Variants in SLC16A1 observed in about 807,000 individuals in gnomAD.
SLC16A1 encodes solute carrier family 16 member 1.
Under a neutral mutation model 32.2 loss-of-function variants are expected in SLC16A1, and 11 were observed. That is an observed-to-expected ratio of 0.34 (90% CI 0.21 to 0.56). The LOEUF (loss-of-function observed/expected upper bound fraction) is 0.56, where lower values mean the gene tolerates loss of function less well. Ranked by LOEUF, SLC16A1 falls within the 20% of genes least tolerant of loss-of-function variation. The pLI, the probability that SLC16A1 is intolerant of heterozygous loss-of-function variation, is 0.87. For missense variants in SLC16A1, 435 were observed against 615.0 expected (o/e 0.71, Z 3.10); for synonymous variants, 231 against 226.8 (o/e 1.02, Z -0.17).
chr1:112,923,743 A>G (rs1648826096), intron 2 of SLC16A1: 1 of 1,528,636 alleles, frequency 6.5e-7, no homozygotes, highest in Non-Finnish European at 9.1e-7. Context: ...CACCAGCTGC[A>G]CCAGGAGGGC....
chr1:112,923,310 A>G, intron 2 of SLC16A1: 1 of 413,828 alleles, frequency 2.4e-6, no homozygotes, highest in Non-Finnish European at 4.6e-6. Context: ...CTCCGTCTCA[A>G]AAACAAACAA....
At position 112,912,110 on chromosome 1, in the gene SLC16A1, G is replaced by A. The variant is rs1648341791; in HGVS notation, c.*1781C>T. ...GGGAGTTTTTCATTGTTTCCTTAAGGTTAACTGCTCTGGATGCTCTCAGTT... is the reference window on the plus strand; with the variant it reads ...GGGAGTTTTTCATTGTTTCCTTAAGATTAACTGCTCTGGATGCTCTCAGTT... On this transcript the variant is annotated 3_prime_UTR_variant, in exon 5 of 5. Coordinates refer to ENST00000369626, the MANE Select transcript of SLC16A1 (RefSeq NM_003051.4). 1 of 152,216 alleles carries A rather than the reference G, an allele frequency of 6.6e-6. No homozygotes were observed. The highest frequency in any genetic ancestry group is 1.5e-5 in the Non-Finnish European group (1 of 68,040). 9.4% of individuals were successfully genotyped at this position (152,216 alleles called of 1,614,324 possible).
intron 1 of SLC16A1, among the ~76,000 whole-genome samples, chr1:112,932,315 G>A (rs1320398845): frequency 2.6e-5 from 4 of 152,044 alleles, no homozygotes; most frequent in African/African-American, 7.2e-5. Context: ...TAGGAGAATC[G>A]TTTGAGGACA....
At position 112,913,662 on chromosome 1, in the gene SLC16A1, A is replaced by G. The variant is rs913492108; in HGVS notation, c.*229T>C. ...TTAAAAGCTAAGATTAAAACAAAAC[A>G]AAACAGAACCTACTTCTTTCCCCCA... On this transcript the variant is annotated 3_prime_UTR_variant, in exon 5 of 5. Coordinates refer to ENST00000369626, the MANE Select transcript of SLC16A1 (RefSeq NM_003051.4). 6.2e-5 allele frequency: 36 copies of G among 581,736 alleles called. No individual in the cohort carries two copies. Among genetic ancestry groups the G allele is most frequent in the African/African-American group, 4.7e-4 (25 of 53,466 alleles). The allele number at this position is 581,736 out of a possible 1,614,324, so 36.0% of individuals were successfully genotyped here. A position where few individuals can be genotyped will look rare whatever the true frequency, so the allele number is the denominator to read the frequency against.
At chr1:112,933,897 A>T (rs1423266185) in intron 1 of SLC16A1, among the ~76,000 whole-genome samples, 1 of 152,198 alleles carries the variant, frequency 6.6e-6, no homozygotes, top group Admixed American at 6.5e-5. Flanking sequence ...TTATATAAAA[A>T]ATTCTCTAGC....
At chr1:112,951,709 T>G (rs924213225) in intron 1 of SLC16A1, among the ~76,000 whole-genome samples, 20 of 152,340 alleles carry the variant, frequency 1.3e-4, no homozygotes, top group Middle Eastern at 3.4e-3. Flanking sequence ...CCATTTGAAA[T>G]GTTAACATCA....
Position 112,913,735 on chromosome 1 carries a change from G to C in SLC16A1, c.*156C>G. On this transcript the variant is annotated 3_prime_UTR_variant, in exon 5 of 5. Coordinates refer to ENST00000369626, the MANE Select transcript of SLC16A1 (RefSeq NM_003051.4). ...TCCTCAAATTCAGGCTATTGGTAAGGAGTCAAACAAAAATCCCATCAATGA... is the reference window on the plus strand; with the variant it reads ...TCCTCAAATTCAGGCTATTGGTAAGCAGTCAAACAAAAATCCCATCAATGA... 1 of 851,614 alleles carries C rather than the reference G, an allele frequency of 1.2e-6. No individual in the cohort carries two copies. Among genetic ancestry groups the C allele is most frequent in the Middle Eastern group, 3.5e-4 (1 of 2,888 alleles). 52.8% of individuals were successfully genotyped at this position (851,614 alleles called of 1,614,324 possible).
At chr1:112,932,084 A>G (rs1003182265) in intron 1 of SLC16A1, among the ~76,000 whole-genome samples, 7 of 152,228 alleles carry the variant, frequency 4.6e-5, no homozygotes, top group Admixed American at 2.0e-4. Context: ...AATTTAGGAC[A>G]CTGGACATTG....
chr1:112,924,285 G>A (rs1648854446), intron 2 of SLC16A1: 1 of 1,444,352 alleles, frequency 6.9e-7, no homozygotes, highest in Non-Finnish European at 9.7e-7. Flanking sequence ...AGATGTTGTG[G>A]AGGCCTTTAA....
intron 1 of SLC16A1, among the ~76,000 whole-genome samples, chr1:112,938,405 G>A (rs1015456237): frequency 6.6e-6 from 1 of 151,986 alleles, no homozygotes; most frequent in Admixed American, 6.6e-5. Flanking sequence ...CCTCACTTTC[G>A]TTTCTTTTCC....
At chr1:112,941,586 A>G (rs1051445209) in intron 1 of SLC16A1, among the ~76,000 whole-genome samples, 11 of 152,056 alleles carry the variant, frequency 7.2e-5, no homozygotes, top group African/African-American at 2.7e-4. Context: ...CCTGGCCCAC[A>G]TCTTCTTGTA....
Position 112,914,037 on chromosome 1 carries a change from T to G in SLC16A1, c.1357A>C (p.Lys453Gln). 6.2e-7 allele frequency: 1 copy of G among 1,614,224 alleles called. No homozygotes were observed. The highest frequency in any genetic ancestry group is 8.5e-7 in the Non-Finnish European group (1 of 1,180,040). The change falls in exon 5 of 5, where the codon AAA becomes CAA. Residue 453 changes from lysine to glutamine, a missense_variant. Lys to Gln is a moderately conservative substitution (Grantham distance 53, BLOSUM62 1). Transcript: ENST00000369626. ...CTTTCCTTTTTCTGCTCGTTTGCTT[T>G]CTGTTCTTTTGCCAAAAGTCGATAA... ...INYRLLAKEQKANEQKKESKE... is the reference protein window; with the variant it reads ...INYRLLAKEQQANEQKKESKE...
At chr1:112,952,747 GA>G (rs1486034151) in intron 1 of SLC16A1, among the ~76,000 whole-genome samples, 1 of 152,106 alleles carries the variant, frequency 6.6e-6, no homozygotes, top group East Asian at 1.9e-4. Context: ...AGGGAAAAAA[GA>G]AAAACACCAT....
At chr1:112,926,807 A>G (rs947616745) in intron 2 of SLC16A1, among the ~76,000 whole-genome samples, 27 of 151,962 alleles carry the variant, frequency 1.8e-4, no homozygotes, top group African/African-American at 6.0e-4. Context: ...GAGGCCAGGG[A>G]GGCTGAGGCT....
intron 1 of SLC16A1, among the ~76,000 whole-genome samples, chr1:112,934,567 A>C (rs1193717153): frequency 6.6e-6 from 1 of 152,248 alleles, no homozygotes; most frequent in Non-Finnish European, 1.5e-5. Flanking sequence ...AGAAAGTCCA[A>C]GGACAGTGAC....
At chr1:112,935,589 G>A (rs879426399) in intron 1 of SLC16A1, among the ~76,000 whole-genome samples, 1 of 152,104 alleles carries the variant, frequency 6.6e-6, no homozygotes, top group African/African-American at 2.4e-5. Context: ...TTTATCTAAT[G>A]GGACTTTGGA....
chr1:112,936,555 C>T (rs1649316713), intron 1 of SLC16A1, among the ~76,000 whole-genome samples: 1 of 150,882 alleles, frequency 6.6e-6, no homozygotes, highest in Non-Finnish European at 1.5e-5. Flanking sequence ...CAATATTCTC[C>T]AATATTTCTG....
intron 1 of SLC16A1, among the ~76,000 whole-genome samples, chr1:112,944,374 G>A (rs1027264139): frequency 3.3e-5 from 5 of 152,166 alleles, no homozygotes; most frequent in African/African-American, 4.8e-5. Flanking sequence ...GAGCCCAGGA[G>A]GTGGAAATTG....
chr1:112,933,603 T>A (rs1329294714), intron 1 of SLC16A1, among the ~76,000 whole-genome samples: 2 of 148,578 alleles, frequency 1.3e-5, no homozygotes. Flanking sequence ...AAGCAAAAGA[T>A]CTAAACAGGT....
Sources: allele counts gnomAD v4.1 joint callset (sites outside exome capture counted in the v4.1 genomes callset), GRCh38; gene constraint gnomAD v4.1.1; transcripts MANE v1.5; gene names NCBI Gene and HGNC (gene_info 2026-07-23, HGNC 2026-07-21).